Variants in ESR1 observed in about 807,000 individuals in gnomAD.
ESR1 encodes the protein estrogen receptor.
ESR1 carries 12 observed loss-of-function variants against 52.7 expected under a neutral mutation model. The observed-to-expected ratio is 0.23, with a 90% CI of 0.15 to 0.37. The LOEUF (loss-of-function observed/expected upper bound fraction) is 0.37. ESR1 is among the 10% of genes least tolerant of loss of function. ESR1 has a pLI of 1.00. For synonymous variants in ESR1, 305 were observed against 316.8 expected, an observed-to-expected ratio of 0.96 and a Z score of 0.39; for missense variants, 584 against 779.7, an observed-to-expected ratio of 0.75 and a Z score of 2.99.
At chr6:152,009,059 C>T (rs2042559586) in intron 4 of ESR1, among the ~76,000 whole-genome samples, 1 of 152,062 alleles carries the variant, frequency 6.6e-6, no homozygotes. Context: ...TGACCCAGTA[C>T]ATCCTACAGG....
chr6:152,002,943 G>A (rs2042070174), intron 4 of ESR1, among the ~76,000 whole-genome samples: 1 of 151,958 alleles, frequency 6.6e-6, no homozygotes, highest in Admixed American at 6.6e-5. Context: ...AATATAAGAA[G>A]TATTATAATT....
At chr6:151,720,207 C>T (rs899474215) in intron 2 of ESR1, among the ~76,000 whole-genome samples, 1 of 152,146 alleles carries the variant, frequency 6.6e-6, no homozygotes, top group Non-Finnish European at 1.5e-5. Context: ...GAGTGTTCTA[C>T]CTCTAGCATT....
In ESR1 at chr6:151,981,995, T is replaced by C. The variant is rs572266898; in HGVS notation, c.1097-29661T>C. On this transcript the variant is annotated intron_variant, in intron 4 of 7. Transcript: ENST00000206249. Reference sequence around the variant, plus strand: ...CTCTACATAGTGTTAAACTTGAATTTAAGATCACACAGATTCCTTTACACG... The same window carrying C: ...CTCTACATAGTGTTAAACTTGAATTCAAGATCACACAGATTCCTTTACACG... Among the ~76,000 whole-genome samples the C allele has an allele frequency of 1.2e-4, 19 of 152,382 alleles. No individual in the cohort carries two copies. In the South Asian group the frequency reaches 2.1e-3, roughly 17 times the overall value.
chr6:151,684,263 A>G (rs1778571079), intron 1 of ESR1, among the ~76,000 whole-genome samples: 3 of 152,144 alleles, frequency 2.0e-5, no homozygotes, highest in African/African-American at 7.2e-5. Flanking sequence ...TGACCTAGAT[A>G]GAGAAGGGGC....
chr6:151,950,072 A>G (rs946697364), intron 4 of ESR1, among the ~76,000 whole-genome samples: 5 of 152,094 alleles, frequency 3.3e-5, no homozygotes, highest in Admixed American at 3.3e-4. Context: ...TAAAAAGGGG[A>G]GTTTTTCTGC....
intron 2 of ESR1, among the ~76,000 whole-genome samples, chr6:151,845,713 T>C (rs1475109470): frequency 6.6e-6 from 1 of 152,220 alleles, no homozygotes; most frequent in East Asian, 1.9e-4. Context: ...TTGTGTATCA[T>C]AGTGTGAAGT....
intron 2 of ESR1, among the ~76,000 whole-genome samples, chr6:151,741,854 A>G (rs546280411): frequency 1.1e-3 from 174 of 152,328 alleles, no homozygotes; most frequent in Non-Finnish European, 1.5e-3. Context: ...TATAGTTCTC[A>G]TGTTGTAGAT....
upstream of ESR1, among the ~76,000 whole-genome samples, chr6:151,800,632 G>C (rs1777146546): frequency 6.6e-6 from 1 of 152,128 alleles, no homozygotes; most frequent in Non-Finnish European, 1.5e-5. Context: ...ACCCCACACT[G>C]AGAAAATAAA....
At chr6:151,993,296 C>T (rs2041192515) in intron 4 of ESR1, among the ~76,000 whole-genome samples, 2 of 152,154 alleles carry the variant, frequency 1.3e-5, no homozygotes, top group South Asian at 4.1e-4. Flanking sequence ...GTGCTGCTGA[C>T]ATACTGTCCA....
intron 2 of ESR1, among the ~76,000 whole-genome samples, chr6:151,710,742 G>A (rs1416244869): frequency 2.0e-5 from 3 of 151,800 alleles, no homozygotes; most frequent in Non-Finnish European, 4.4e-5. Context: ...CCTCTGACAG[G>A]CCCCAGTGTG....
At chr6:151,916,998 T>C (rs2030392945) in intron 3 of ESR1, among the ~76,000 whole-genome samples, 1 of 152,126 alleles carries the variant, frequency 6.6e-6, no homozygotes, top group Admixed American at 6.6e-5. Context: ...AATTGTAGAA[T>C]TGTTGTATGA....
chr6:151,938,137 T>C (rs2034595043), intron 3 of ESR1, among the ~76,000 whole-genome samples: 1 of 152,200 alleles, frequency 6.6e-6, no homozygotes, highest in South Asian at 2.1e-4. Context: ...ATGCAAATGT[T>C]TGAAATATCT....
At chr6:151,894,947 A>T (rs1795249504) in intron 3 of ESR1, among the ~76,000 whole-genome samples, 1 of 151,956 alleles carries the variant, frequency 6.6e-6, no homozygotes, top group South Asian at 2.1e-4. Context: ...TTTGATGGGA[A>T]TTGCATTGAA....
intron 1 of ESR1, among the ~76,000 whole-genome samples, chr6:151,662,137 G>A (rs1306226630): frequency 6.6e-6 from 1 of 152,096 alleles, no homozygotes; most frequent in African/African-American, 2.4e-5. Flanking sequence ...GGCACAGGAG[G>A]GCGCTCGAGA....
chr6:151,859,432 G>A (rs556592037), intron 2 of ESR1, among the ~76,000 whole-genome samples: 2 of 124,600 alleles, frequency 1.6e-5, no homozygotes, highest in East Asian at 4.6e-4. Flanking sequence ...TTTGGGTAGA[G>A]GTGGGGGTAA....
At position 152,094,297 on chromosome 6, in the gene ESR1, C is replaced by A; in HGVS notation, c.1370-88C>A. The A allele has an allele frequency of 8.9e-7, 1 of 1,124,512 alleles. No individual in the cohort carries two copies. Among genetic ancestry groups the A allele is most frequent in the Non-Finnish European group, 1.4e-6 (1 of 734,880 alleles). 69.7% of individuals were successfully genotyped at this position (1,124,512 alleles called of 1,614,324 possible). ...CTACTGTGCTGAGGAAGGGCACTGG[C>A]TCATTGTTACATCCCATGAACACTC... On this transcript the variant is annotated intron_variant, in intron 6 of 7. Transcript: ENST00000206249. The surrounding 1 kb of genome is among the most constrained non-coding windows in gnomAD (Gnocchi z 4.6).
chr6:151,670,193 C>G lies in ESR1; in HGVS notation n.73+13430C>G, dbSNP rs563688006. Among the ~76,000 whole-genome samples the G allele has an allele frequency of 3.9e-5, 6 of 152,310 alleles. No individual in the cohort carries two copies. The South Asian group carries it at 1.2e-3, about 32-fold the overall frequency. ...CGTGGCCGGGCCTTCCTCTAGCTAG[C>G]CTATCTTCCTGCAGAGCCCTTCCCT... On this transcript the variant is annotated intron_variant and non_coding_transcript_variant, in intron 1 of 2. Coordinates refer to the ESR1 transcript ENST00000473497.
At chr6:151,707,389 A>G (rs969262973) in intron 2 of ESR1, among the ~76,000 whole-genome samples, 1 of 152,102 alleles carries the variant, frequency 6.6e-6, no homozygotes, top group African/African-American at 2.4e-5. Flanking sequence ...ATTAAAAAAC[A>G]TAAAATATTC....
chr6:151,987,469 G>A (rs1027031249), intron 4 of ESR1, among the ~76,000 whole-genome samples: 2 of 152,090 alleles, frequency 1.3e-5, no homozygotes, highest in African/African-American at 4.8e-5. Flanking sequence ...ATATTGGCCA[G>A]GCTGGTCTCA....
Sources: allele counts gnomAD v4.1 joint callset (sites outside exome capture counted in the v4.1 genomes callset), GRCh38; gene constraint gnomAD v4.1.1; non-coding constraint Gnocchi (gnomAD v3.1); transcripts MANE v1.5; gene names NCBI Gene and HGNC (gene_info 2026-07-23, HGNC 2026-07-21).